The following VWA8 variants were observed in gnomAD, a reference collection of about 807,000 sequenced individuals.
VWA8 encodes the protein von Willebrand factor A domain containing 8, also known as von Willebrand factor A domain-containing protein 8.
A neutral mutation model predicts 241.5 loss-of-function variants in VWA8; 221 were observed. The observed-to-expected ratio is 0.91, with a 90% confidence interval of 0.82 to 1.02. The LOEUF is 1.02. VWA8 is among the 50% of genes least tolerant of loss of function. The pLI is 0.00. For missense variants in VWA8, 2,322 were observed against 2,328.7 expected, an observed-to-expected ratio of 1.00 and a Z score of 0.06; for synonymous variants, 852 against 827.1, an observed-to-expected ratio of 1.03 and a Z score of -0.52.
At chr13:41,791,334 T>C (rs1186020508) in intron 17 of VWA8, among the ~76,000 whole-genome samples, 1 of 151,910 alleles carries the variant, frequency 6.6e-6, no homozygotes, top group African/African-American at 2.4e-5. Context: ...TTGTGGTCAG[T>C]TGATAACACT....
chr13:41,676,743 G>A (rs554750001), intron 35 of VWA8, among the ~76,000 whole-genome samples: 12 of 152,010 alleles, frequency 7.9e-5, no homozygotes, highest in South Asian at 6.2e-4. Flanking sequence ...AGTGGTTCTC[G>A]TGCCTCAGCC....
intron 39 of VWA8, among the ~76,000 whole-genome samples, chr13:41,607,332 C>T (rs540853098): frequency 1.3e-5 from 2 of 152,202 alleles, no homozygotes; most frequent in East Asian, 1.9e-4. Flanking sequence ...TGCCAAGGTG[C>T]CTTTCTAAAT....
intron 25 of VWA8, among the ~76,000 whole-genome samples, chr13:41,720,673 T>A (rs1442673094): frequency 6.6e-6 from 1 of 152,136 alleles, no homozygotes; most frequent in Non-Finnish European, 1.5e-5. Flanking sequence ...TTTGTATCCT[T>A]GGATCAACAT....
At chr13:41,633,978 C>T (rs1327626142) in intron 37 of VWA8, among the ~76,000 whole-genome samples, 3 of 152,200 alleles carry the variant, frequency 2.0e-5, no homozygotes, top group African/African-American at 7.2e-5. Context: ...CTATACCCCT[C>T]CCACTTATCT....
At chr13:41,795,338 A>G (rs1186712572) in intron 17 of VWA8, among the ~76,000 whole-genome samples, 1 of 152,224 alleles carries the variant, frequency 6.6e-6, no homozygotes, top group Non-Finnish European at 1.5e-5. Context: ...ATGCTTTTAC[A>G]CTGTTGGTCA....
intron 14 of VWA8, among the ~76,000 whole-genome samples, chr13:41,826,554 A>T (rs8001821): frequency 6.6e-6 from 1 of 152,266 alleles, no homozygotes; most frequent in African/African-American, 2.4e-5. Context: ...GTTCATCAGA[A>T]TATACCATGG....
At chr13:41,671,577 C>T (rs1313937883) in intron 36 of VWA8, among the ~76,000 whole-genome samples, 1 of 151,614 alleles carries the variant, frequency 6.6e-6, no homozygotes, top group Non-Finnish European at 1.5e-5. Context: ...ATGTTGAAGC[C>T]CTAACCCCCA....
intron 16 of VWA8, among the ~76,000 whole-genome samples, chr13:41,812,020 G>C (rs1347417638): frequency 1.3e-5 from 2 of 152,136 alleles, no homozygotes; most frequent in Admixed American, 6.6e-5. Flanking sequence ...AATCAGATAA[G>C]TCGGTATCCT....
In VWA8 at chr13:41,637,509, C is replaced by CT. The variant is rs529183350; in HGVS notation, c.4612-22426_4612-22425insA. On this transcript the variant is annotated intron_variant, in intron 37 of 44. Transcript: ENST00000379310. ...AGCACACCAACGTGGCACATGTATA[C>CT]ATACGTAACAAACCTGCACGTTGTG... Among the ~76,000 whole-genome samples, 455 of 151,394 alleles carry CT rather than the reference C, an allele frequency of 3.0e-3. 2 individuals are homozygous for CT. Among genetic ancestry groups the CT allele is most frequent in the African/African-American group, 0.01 (423 of 41,214 alleles).
At chr13:41,688,782 C>T (rs1242087412) in intron 34 of VWA8, among the ~76,000 whole-genome samples, 7 of 151,884 alleles carry the variant, frequency 4.6e-5, no homozygotes, top group East Asian at 1.9e-4. Context: ...CGAGGACATA[C>T]GGACACAAAG....
intron 39 of VWA8, among the ~76,000 whole-genome samples, chr13:41,607,429 G>A (rs531207370): frequency 6.6e-6 from 1 of 152,216 alleles, no homozygotes; most frequent in Non-Finnish European, 1.5e-5. Context: ...TTAGTTTCTG[G>A]CAGTCTCTGA....
At chr13:41,899,495 A>T (rs1334620024) in intron 4 of VWA8, among the ~76,000 whole-genome samples, 1 of 152,220 alleles carries the variant, frequency 6.6e-6, no homozygotes, top group Non-Finnish European at 1.5e-5. Flanking sequence ...TAAGAATACT[A>T]GCCAAAAGGA....
intron 43 of VWA8, among the ~76,000 whole-genome samples, chr13:41,573,418 A>ATTCTC (rs200106688): frequency 5.8e-5 from 6 of 104,306 alleles, no homozygotes; most frequent in Admixed American, 2.4e-4. Context: ...ACTCCATCTC[A>ATTCTC]AAACAAACAA....
chr13:41,845,808 C>A (rs1872264251), intron 12 of VWA8, among the ~76,000 whole-genome samples: 1 of 151,940 alleles, frequency 6.6e-6, no homozygotes, highest in African/African-American at 2.4e-5. Context: ...GAGATGGGAA[C>A]AATAGACAAT....
intron 9 of VWA8, among the ~76,000 whole-genome samples, chr13:41,871,818 C>A (rs1282264297): frequency 6.6e-6 from 1 of 152,112 alleles, no homozygotes; most frequent in Non-Finnish European, 1.5e-5. Context: ...TGGGTATATA[C>A]CCAGTAATGG....
At chr13:41,799,364 G>A (rs1158857631) in intron 17 of VWA8, among the ~76,000 whole-genome samples, 1 of 152,028 alleles carries the variant, frequency 6.6e-6, no homozygotes, top group Non-Finnish European at 1.5e-5. Context: ...AGTACTTTTT[G>A]GTTACTACCT....
chr13:41,725,550 A>C (rs2045426115), intron 24 of VWA8, among the ~76,000 whole-genome samples: 1 of 152,216 alleles, frequency 6.6e-6, no homozygotes, highest in Non-Finnish European at 1.5e-5. Flanking sequence ...TCACTCCAAA[A>C]GAAGAGTAGG....
chr13:41,685,373 T>C, intron 34 of VWA8, 131 bp from the exon 35 acceptor site: 1 of 912,698 alleles, frequency 1.1e-6, no homozygotes, highest in Non-Finnish European at 1.6e-6. Context: ...ATCAAATTAT[T>C]GGCTGGGTAC....
intron 37 of VWA8, among the ~76,000 whole-genome samples, chr13:41,658,751 C>A (rs1020697450): frequency 3.3e-5 from 5 of 152,218 alleles, no homozygotes; most frequent in Non-Finnish European, 5.9e-5. Context: ...CTAAACACAG[C>A]CAATGCTTTT....
Sources: gnomAD v4.1 joint callset for allele counts (sites outside exome capture counted in the v4.1 genomes callset) on GRCh38, gnomAD v4.1.1 for gene constraint, MANE v1.5 for transcripts, NCBI Gene and HGNC (gene_info 2026-07-23, HGNC 2026-07-21) for gene names.